DOT1L: variants seen among roughly 807,000 people sequenced by gnomAD.
DOT1L encodes the protein DOT1 like histone lysine methyltransferase.
DOT1L carries 33 observed loss-of-function variants against 153.3 expected under a neutral mutation model. That is an observed-to-expected ratio of 0.22 (90% confidence interval 0.16 to 0.29). The LOEUF is 0.29. Ranked by LOEUF, DOT1L falls within the 10% of genes least tolerant of loss-of-function variation. DOT1L has a pLI of 1.00. For synonymous variants in DOT1L, 1,135 were observed against 965.1 expected, an observed-to-expected ratio of 1.18 and a Z score of -3.26; for missense variants, 1,847 against 2,119.9, an observed-to-expected ratio of 0.87 and a Z score of 2.53.
In DOT1L at chr19:2,205,259, C is replaced by G. The variant is rs529860136; in HGVS notation, c.788-1470C>G. 3.3e-5 allele frequency among the ~76,000 whole-genome samples: 5 copies of G among 152,214 alleles called. No homozygotes were observed. In the South Asian group the frequency reaches 1.0e-3, roughly 32 times the overall value. ...GTGCTGGGTTACAGGCATGAGCCAC[C>G]GCACCTGGCCCACATTTTGACTTTT... is the stretch of plus-strand genomic sequence containing the variant. On this transcript the variant is annotated intron_variant, in intron 9 of 27. Coordinates refer to ENST00000398665, the MANE Select transcript of DOT1L (RefSeq NM_032482.3).
At chr19:2,195,469 T>C (rs1568344225) in intron 7 of DOT1L, among the ~76,000 whole-genome samples, 2 of 152,076 alleles carry the variant, frequency 1.3e-5, no homozygotes, top group East Asian at 1.9e-4. Context: ...CCCGCCCTTA[T>C]GGGGTGTGGG....
chr19:2,227,482 C>T (rs1436998666), intron 27 of DOT1L: 2 of 546,956 alleles, frequency 3.7e-6, no homozygotes, highest in African/African-American at 1.9e-5. Flanking sequence ...GAGCGAGTCC[C>T]CGCAGTGCCT....
intron 9 of DOT1L, among the ~76,000 whole-genome samples, chr19:2,205,707 T>G (rs2023466145): frequency 6.6e-6 from 1 of 152,198 alleles, no homozygotes; most frequent in Non-Finnish European, 1.5e-5. Context: ...GTTTTGTTTT[T>G]TTTTGAGACA....
At position 2,226,689 on chromosome 19, in the gene DOT1L, G is replaced by A; in HGVS notation, c.4168G>A (p.Gly1390Arg). 6.4e-7 allele frequency: 1 copy of A among 1,573,332 alleles called. No homozygotes were observed. The highest frequency in any genetic ancestry group is 8.6e-7 in the Non-Finnish European group (1 of 1,164,118). ...KGEGSRGKEA[G>R]EGGLPLCGPT... is the part of the protein sequence containing the mutation. ...CGAGGGCAGCCGCGGCAAGGAGGCA[G>A]GGGAGGGCGGCCTACCGCTGTGCGG... The change falls in exon 27 of 28, where the codon GGG (glycine) becomes AGG (arginine). Residue 1390 changes from glycine (G) to arginine (R), a missense_variant. Around this residue, in one of 8 missense-constraint regions of DOT1L, gnomAD observed 934 missense variants for 825.3 expected, o/e 1.13. Coordinates refer to ENST00000398665, the MANE Select transcript of DOT1L (RefSeq NM_032482.3).
rs897619667 is a variant in DOT1L, at chr19:2,225,462, A to G, written c.3661+10A>G. On this transcript the variant is annotated intron_variant, in intron 26 of 27. Coordinates refer to ENST00000398665, the MANE Select transcript of DOT1L (RefSeq NM_032482.3). ...AAAACCTTGGAAAATGGTGAGTAAC[A>G]AGTGTTTTGCGGCGTGGCCAGGCCT... is the stretch of plus-strand genomic sequence containing the variant. 6.8e-6 allele frequency: 11 copies of G among 1,613,912 alleles called. No individual in the cohort carries two copies. In the African/African-American group the frequency reaches 1.2e-4, roughly 18 times the overall value.
rs550052865 is a variant in DOT1L, at chr19:2,189,167, G to A, written c.201-565G>A. Among the ~76,000 whole-genome samples the A allele has an allele frequency of 7.9e-5, 12 of 152,212 alleles. No homozygotes were observed. The East Asian group carries it at 1.7e-3, about 22-fold the overall frequency. On this transcript the variant is annotated intron_variant, in intron 3 of 27. Transcript: ENST00000398665. ...ACTGCTGACATGACACACTGCTGAC[G>A]TGTGAATGAGTTGGAGCTTTGGAAG...
Position 2,173,690 on chromosome 19 carries a change from A to G in DOT1L, c.82-7023A>G, listed in dbSNP as rs575011656. 1.4e-4 allele frequency among the ~76,000 whole-genome samples: 21 copies of G among 152,348 alleles called. 1 individual carries two copies. The South Asian group carries it at 3.5e-3, about 26-fold the overall frequency. ...GCACGGGTTCTGCGGGCTGCCCGGA[A>G]GACCTCCCCCAGACCCATAGATGCT... On this transcript the variant is annotated intron_variant, in intron 1 of 27. Coordinates refer to ENST00000398665, the MANE Select transcript of DOT1L (RefSeq NM_032482.3).
At position 2,208,083 on chromosome 19, in the gene DOT1L, G is replaced by A. The variant is rs1184445692; in HGVS notation, c.963+403G>A. Among the ~76,000 whole-genome samples the A allele has an allele frequency of 1.3e-5, 2 of 152,130 alleles. No homozygotes were observed. Among genetic ancestry groups the A allele is most frequent in the Admixed American group, 1.3e-4 (2 of 15,276 alleles). On this transcript the variant is annotated intron_variant, in intron 11 of 27. Transcript: ENST00000398665. The surrounding 1 kb of genome is among the most constrained non-coding windows in gnomAD (Gnocchi z 4.4). ...AGGGTCCTGAGCGGGGAGACACCAG[G>A]GTCCATGGGTGGGGTCTGGGATGCT...
At position 2,220,244 on chromosome 19, in the gene DOT1L, A is replaced by G. The variant is rs750717660; in HGVS notation, c.2806+22A>G. On this transcript the variant is annotated intron_variant, in intron 23 of 27. Coordinates refer to ENST00000398665, the MANE Select transcript of DOT1L (RefSeq NM_032482.3). The surrounding 1 kb of genome is among the most constrained non-coding windows in gnomAD (Gnocchi z 4.5). ...GCAGGTAACGCCCCTCCTGTGCCCT[A>G]CCCTCAGGACTCTGCTGCTGCTGCT... 1.2e-4 allele frequency: 195 copies of G among 1,594,268 alleles called. No homozygotes were observed. The highest frequency in any genetic ancestry group is 3.4e-4 in the Admixed American group (20 of 58,758).
intron 1 of DOT1L, among the ~76,000 whole-genome samples, chr19:2,168,684 G>C (rs757359267): frequency 6.6e-6 from 1 of 151,884 alleles, no homozygotes; most frequent in South Asian, 2.1e-4. Context: ...GTGTGATCTC[G>C]GTTCACTGCA....
chr19:2,165,001 C>T (rs903589616), intron 1 of DOT1L, among the ~76,000 whole-genome samples: 5 of 152,196 alleles, frequency 3.3e-5, no homozygotes, highest in Non-Finnish European at 4.4e-5. Context: ...ATCTTGGTGA[C>T]CGTTGGAAAA....
intron 19 of DOT1L, 27 bp from the exon 20 acceptor site, chr19:2,216,254 G>T: frequency 6.5e-7 from 1 of 1,543,538 alleles, no homozygotes; most frequent in South Asian, 1.2e-5. Flanking sequence ...CGGTGGGGCG[G>T]GCCTGACACC....
rs376482252 is a variant in DOT1L, at chr19:2,213,565, G to T, written c.1584G>T (p.Ala528=). The part of the protein sequence containing the change: ...EKEKNAQLLG[A]AQQLLSHCQA... ...AGAAGAACGCCCAGCTCCTGGGTGC[G>T]GCTCAGCAGCTCCTCAGCCACTGCC... Residue 528 remains alanine, a synonymous_variant, in exon 17 of 28, where the codon GCG becomes GCT. Transcript: ENST00000398665. The T allele has an allele frequency of 5.0e-6, 8 of 1,613,252 alleles. No individual in the cohort carries two copies. Among genetic ancestry groups the T allele is most frequent in the Admixed American group, 1.7e-5 (1 of 60,014 alleles).
chr19:2,202,593 G>A (rs913911161), intron 8 of DOT1L, 107 bp from the exon 9 acceptor site: 13 of 1,108,392 alleles, frequency 1.2e-5, no homozygotes, highest in African/African-American at 3.1e-5. Flanking sequence ...GGTGGCGGGC[G>A]GGTGTGGGCA....
chr19:2,214,895 A>G (rs1374143633), intron 19 of DOT1L, among the ~76,000 whole-genome samples: 1 of 151,972 alleles, frequency 6.6e-6, no homozygotes. Flanking sequence ...CATTTCTGTA[A>G]CAGTCATAGG....
chr19:2,174,264 T>C (rs573611442), intron 1 of DOT1L, among the ~76,000 whole-genome samples: 173 of 152,346 alleles, frequency 1.1e-3, no homozygotes, highest in African/African-American at 3.9e-3. Flanking sequence ...ACACTGCCCT[T>C]GATCCTACAG....
At chr19:2,224,487 A>C (rs2024250236) in intron 25 of DOT1L, among the ~76,000 whole-genome samples, 1 of 143,638 alleles carries the variant, frequency 7.0e-6, no homozygotes, top group African/African-American at 2.6e-5. Context: ...TTTTCCTGAG[A>C]CACAGAGTTT....
At position 2,206,764 on chromosome 19, in the gene DOT1L, C is replaced by T. The variant is rs372927694; in HGVS notation, c.823C>T (p.Leu275=). 3.1e-6 allele frequency: 5 copies of T among 1,613,900 alleles called. No homozygotes were observed. The highest frequency in any genetic ancestry group is 4.2e-6 in the Non-Finnish European group (5 of 1,179,928). Residue 275 remains leucine (L), a synonymous_variant, in exon 10 of 28, where the codon CTG becomes TTG. Transcript: ENST00000398665. ...CGTGTCCTCGAAACCCTTTGCACCT[C>T]TGAACTTCAGAATAAACAGTAGAAA... ...RIVSSKPFAP[L]NFRINSRNLS... is the part of the protein sequence containing the mutation.
chr19:2,171,902 A>C (rs1437420553), intron 1 of DOT1L, among the ~76,000 whole-genome samples: 1 of 152,172 alleles, frequency 6.6e-6, no homozygotes, highest in Admixed American at 6.5e-5. Context: ...CTTCCTGGAG[A>C]AAAGAAGGGG....
Sources: allele counts gnomAD v4.1 joint callset (sites outside exome capture counted in the v4.1 genomes callset), GRCh38; gene constraint gnomAD v4.1.1; regional missense constraint gnomAD v4.1.1; non-coding constraint Gnocchi (gnomAD v3.1); transcripts MANE v1.5; gene names NCBI Gene and HGNC (gene_info 2026-07-23, HGNC 2026-07-21).